Variants in FYB2 observed in about 807,000 individuals in gnomAD.
FYB2 encodes the protein FYN-binding protein 2.
In FYB2, 103 loss-of-function variants were observed where a neutral mutation model predicts 94.1. That is an observed-to-expected ratio of 1.09 (90% CI 0.93 to 1.29). The LOEUF is 1.29. FYB2 is among the 50% of genes most tolerant of loss of function. The probability of loss-of-function intolerance (pLI) is 0.00; values close to 1 mark genes in which losing one functional copy is unlikely to be tolerated. For missense variants in FYB2, 896 were observed against 841.5 expected, an observed-to-expected ratio of 1.06 and a Z score of -0.80; for synonymous variants, 293 against 287.9, an observed-to-expected ratio of 1.02 and a Z score of -0.18.
At chr1:56,753,115 C>A (rs1557610972) in intron 8 of FYB2, among the ~76,000 whole-genome samples, 1 of 152,062 alleles carries the variant, frequency 6.6e-6, no homozygotes, top group Non-Finnish European at 1.5e-5. Flanking sequence ...TTGACTTACC[C>A]TACTTCTGCA....
At chr1:56,804,095 A>C (rs1343485829) in intron 1 of FYB2, among the ~76,000 whole-genome samples, 1 of 152,242 alleles carries the variant, frequency 6.6e-6, no homozygotes, top group African/African-American at 2.4e-5. Flanking sequence ...AACGGATTTG[A>C]AAACATGTCT....
At chr1:56,822,183 G>T (rs576871018), upstream of FYB2, among the ~76,000 whole-genome samples, 1 of 152,270 alleles carries the variant, frequency 6.6e-6, no homozygotes, top group East Asian at 1.9e-4. Flanking sequence ...TAATTTTCCA[G>T]CAGAGGAAAC....
rs1353140392 is a variant in FYB2, at chr1:56,754,422, C to A, written c.1131-487G>T. On this transcript the variant is annotated intron_variant, in intron 7 of 19. Coordinates refer to ENST00000343433, the MANE Select transcript of FYB2 (RefSeq NM_001004303.5). ...AATCATCTTACCTCTGAGAATGCTT[C>A]CCTGATTCTCCCAAGCAGTCATACC... Among the ~76,000 whole-genome samples, 3 of 152,074 alleles carry A rather than the reference C, an allele frequency of 2.0e-5. No individual in the cohort carries two copies. The East Asian group carries it at 5.8e-4, about 29-fold the overall frequency.
intron 6 of FYB2, among the ~76,000 whole-genome samples, chr1:56,758,157 C>A (rs1230415128): frequency 6.6e-6 from 1 of 152,004 alleles, no homozygotes. Context: ...TACTAATAAG[C>A]TGTATACCTT....
At chr1:56,785,525 A>G (rs1464507661) in intron 4 of FYB2, among the ~76,000 whole-genome samples, 1 of 152,228 alleles carries the variant, frequency 6.6e-6, no homozygotes, top group Non-Finnish European at 1.5e-5. Context: ...TGACTAACCC[A>G]GGAGTTCCCA....
rs1237345048 is a variant in FYB2 at position 56,782,801 on chromosome 1, C to T, written c.953+4374G>A. Among the ~76,000 whole-genome samples, 2 of 152,160 alleles carry T rather than the reference C, an allele frequency of 1.3e-5. 1 individual carries two copies. The highest frequency in any genetic ancestry group is 2.9e-5 in the Non-Finnish European group (2 of 68,038). ...GAAACACTGCTGTCATCTTCCTACT[C>T]CCAAAATAAACAGCACCTCCTTTAT... On this transcript the variant is annotated intron_variant, in intron 4 of 19. Coordinates refer to ENST00000343433, the MANE Select transcript of FYB2 (RefSeq NM_001004303.5).
intron 16 of FYB2, among the ~76,000 whole-genome samples, chr1:56,724,065 T>A (rs1644539117): frequency 9.5e-6 from 1 of 105,268 alleles, no homozygotes; most frequent in South Asian, 3.3e-4. Context: ...TAACTTTTTC[T>A]TTTTTTTAGG....
chr1:56,815,156 A>C (rs1055363700), intron 1 of FYB2, among the ~76,000 whole-genome samples: 1 of 152,190 alleles, frequency 6.6e-6, no homozygotes, highest in African/African-American at 2.4e-5. Flanking sequence ...CCTTGCTGCC[A>C]ACTATCCCCA....
Position 56,792,683 on chromosome 1 carries a change from G to C in FYB2, c.130C>G (p.Gln44Glu), listed in dbSNP as rs565728023. The change falls in exon 2 of 20, where the codon CAG becomes GAG. Residue 44 changes from glutamine to glutamate, a missense_variant. Physicochemically the swap from Gln to Glu is conservative, Grantham distance 29. Coordinates refer to ENST00000343433, the MANE Select transcript of FYB2 (RefSeq NM_001004303.5). ...VSPKGDIGGTQSTQILANGKP... is the reference protein window; with the variant it reads ...VSPKGDIGGTESTQILANGKP... Reference sequence around the variant, plus strand: ...CCATTGGCCAAAATTTGAGTTGACTGTGTGCCTCCAATGTCACCCTTTGGA... The same window carrying C: ...CCATTGGCCAAAATTTGAGTTGACTCTGTGCCTCCAATGTCACCCTTTGGA... 45 of 1,614,096 alleles carry C rather than the reference G, an allele frequency of 2.8e-5. No individual in the cohort carries two copies. Among genetic ancestry groups the C allele is most frequent in the Admixed American group, 2.2e-4 (13 of 60,006 alleles).
intron 9 of FYB2, among the ~76,000 whole-genome samples, chr1:56,749,604 T>C (rs765950864): frequency 7.9e-5 from 12 of 152,074 alleles, no homozygotes; most frequent in Non-Finnish European, 1.3e-4. Flanking sequence ...ATATTAAACA[T>C]CTTATGTGTT....
Position 56,767,951 on chromosome 1 carries a change from G to A in FYB2, c.954-13C>T, listed in dbSNP as rs1002599010. 1.3e-6 allele frequency: 2 copies of A among 1,532,878 alleles called. No homozygotes were observed. Among genetic ancestry groups the A allele is most frequent in the Middle Eastern group, 1.7e-4 (1 of 5,876 alleles). The allele number at this position is 1,532,878 out of a possible 1,614,324, so 95.0% of individuals were successfully genotyped here. ...TGCATTGAAAAGCCTGGAGAAAAAA[G>A]GGTTACTTAAAATGTAACATTTTTA... On this transcript the variant is annotated splice_polypyrimidine_tract_variant and intron_variant, in intron 4 of 19. Transcript: ENST00000343433.
chr1:56,752,967 G>A (rs1440523278), intron 8 of FYB2, among the ~76,000 whole-genome samples: 2 of 152,148 alleles, frequency 1.3e-5, no homozygotes, highest in African/African-American at 4.8e-5. Context: ...CCTGGCTCTG[G>A]ACCTTGTCTT....
the FYB2 span, among the ~76,000 whole-genome samples, chr1:56,825,929 C>T: frequency 3.3e-5 from 5 of 152,202 alleles, no homozygotes; most frequent in African/African-American, 9.6e-5. Context: ...CAAGCTCATC[C>T]TCTTTCCTGA....
At chr1:56,794,253 G>A (rs571759385) in intron 1 of FYB2, among the ~76,000 whole-genome samples, 19 of 152,178 alleles carry the variant, frequency 1.2e-4, no homozygotes, top group South Asian at 6.2e-4. Context: ...TTGGTGGTCC[G>A]GCCAGGTAGG....
chr1:56,812,553 C>T (rs1333387634), intron 1 of FYB2, among the ~76,000 whole-genome samples: 1 of 152,090 alleles, frequency 6.6e-6, no homozygotes, highest in Non-Finnish European at 1.5e-5. Flanking sequence ...TTTGTAACTT[C>T]TCTGTATTTA....
intron 18 of FYB2, 22 bp from the exon 19 acceptor site, chr1:56,720,077 G>T (rs376135398): frequency 3.8e-6 from 6 of 1,596,620 alleles, no homozygotes; most frequent in Non-Finnish European, 4.3e-6. Flanking sequence ...AAAAGTCACC[G>T]TTAATTTGAA....
chr1:56,754,330 TTTTC>T (rs1373290756), intron 7 of FYB2, among the ~76,000 whole-genome samples: 1 of 152,030 alleles, frequency 6.6e-6, no homozygotes, highest in East Asian at 1.9e-4. Flanking sequence ...TTTTTATTAT[TTTTC>T]TTTAGACATG....
At chr1:56,778,981 G>A (rs1385037796) in intron 4 of FYB2, among the ~76,000 whole-genome samples, 5 of 152,070 alleles carry the variant, frequency 3.3e-5, no homozygotes, top group Non-Finnish European at 7.3e-5. Context: ...ATCAGGTGAC[G>A]ATCTGGGAGA....
intron 5 of FYB2, among the ~76,000 whole-genome samples, chr1:56,764,208 C>G (rs1240244827): frequency 6.6e-6 from 1 of 152,152 alleles, no homozygotes; most frequent in African/African-American, 2.4e-5. Flanking sequence ...CTCGCCTCGG[C>G]CTTCCAGAGT....
Sources: allele counts gnomAD v4.1 joint callset (sites outside exome capture counted in the v4.1 genomes callset), GRCh38; gene constraint gnomAD v4.1.1; transcripts MANE v1.5; gene names NCBI Gene and HGNC (gene_info 2026-07-23, HGNC 2026-07-21).